The following IPO11 variants were observed in gnomAD, a reference collection of about 807,000 sequenced individuals.
IPO11 encodes the protein importin-11.
Under a neutral mutation model 143.2 loss-of-function variants are expected in IPO11, and 66 were observed. The observed-to-expected ratio is 0.46, with a 90% CI of 0.38 to 0.57. IPO11 has a LOEUF of 0.57. Ranked by LOEUF, IPO11 falls within the 20% of genes least tolerant of loss-of-function variation. The pLI, the probability that IPO11 is intolerant of heterozygous loss-of-function variation, is 0.00. For missense variants in IPO11, 1,026 were observed against 1,141.0 expected (o/e 0.90, Z 1.45); for synonymous variants, 385 against 377.8 (o/e 1.02, Z -0.22).
chr5:62,516,004 C>T (rs1741999765), intron 20 of IPO11, among the ~76,000 whole-genome samples: 1 of 152,206 alleles, frequency 6.6e-6, no homozygotes, highest in Admixed American at 6.5e-5. Flanking sequence ...TAGAGCTGGA[C>T]TATAGTTCTT....
intron 3 of IPO11, 198 bp from the exon 4 acceptor site, chr5:62,449,729 G>A (rs767194657): frequency 4.9e-6 from 2 of 408,978 alleles, no homozygotes; most frequent in Non-Finnish European, 8.8e-6. Context: ...ATTAGGGACA[G>A]TTGTTTAGAA....
intron 24 of IPO11, among the ~76,000 whole-genome samples, chr5:62,546,606 A>C (rs899319003): frequency 6.6e-6 from 1 of 151,778 alleles, no homozygotes; most frequent in Non-Finnish European, 1.5e-5. Context: ...TAAAAAAAAA[A>C]CCACACACAC....
chr5:62,603,835 A>G (rs1445000464), intron 29 of IPO11, among the ~76,000 whole-genome samples: 4 of 152,254 alleles, frequency 2.6e-5, no homozygotes, highest in South Asian at 2.1e-4. Flanking sequence ...CTGCTCAGCA[A>G]CACAACATTT....
At chr5:62,515,914 G>A (rs2112286566) in intron 20 of IPO11, among the ~76,000 whole-genome samples, 1 of 152,304 alleles carries the variant, frequency 6.6e-6, no homozygotes, top group South Asian at 2.1e-4. Flanking sequence ...CTTTTGAGGG[G>A]AGACAAGTGA....
intron 27 of IPO11, among the ~76,000 whole-genome samples, chr5:62,586,211 AGTT>A (rs1044466980): frequency 6.6e-6 from 1 of 152,198 alleles, no homozygotes; most frequent in Non-Finnish European, 1.5e-5. Flanking sequence ...GTTTATATGA[AGTT>A]GTTAGTTTAA....
At chr5:62,575,597 A>G (rs1744288370) in intron 27 of IPO11, among the ~76,000 whole-genome samples, 1 of 151,922 alleles carries the variant, frequency 6.6e-6, no homozygotes. Context: ...AGCAGAATAG[A>G]GTGTTCCTCA....
At chr5:62,560,968 A>G (rs531056894) in intron 26 of IPO11, 168 bp from the exon 27 acceptor site, 33 of 486,532 alleles carry the variant, frequency 6.8e-5, no homozygotes, top group Middle Eastern at 4.7e-4. Context: ...TTTTGCTCAA[A>G]TTATCCATTT....
At chr5:62,607,636 T>C (rs890742985) in intron 29 of IPO11, among the ~76,000 whole-genome samples, 1 of 152,194 alleles carries the variant, frequency 6.6e-6, no homozygotes, top group Non-Finnish European at 1.5e-5. Flanking sequence ...TTGAGAATCC[T>C]TACCTTATAG....
At chr5:62,578,791 T>TAAA in intron 27 of IPO11, 1 of 386,222 alleles carries the variant, frequency 2.6e-6, no homozygotes, top group Non-Finnish European at 5.1e-6. Context: ...AAACGGTGAC[T>TAAA]TAAAAAAAAA....
chr5:62,435,108 A>ATGTATATATATGTATATATGTATATATG (rs1561308788), intron 1 of IPO11, among the ~76,000 whole-genome samples: 3 of 55,508 alleles, frequency 5.4e-5, no homozygotes, highest in African/African-American at 1.9e-4. Context: ...ATGTATATAT[A>ATGTATATATATGTATATATGTATATATG]TGTATATATG....
intron 29 of IPO11, among the ~76,000 whole-genome samples, chr5:62,610,469 T>C (rs891498590): frequency 3.3e-5 from 5 of 152,178 alleles, no homozygotes; most frequent in African/African-American, 1.2e-4. Flanking sequence ...GTCTTTTGGT[T>C]GTCACTGGTT....
intron 27 of IPO11, among the ~76,000 whole-genome samples, chr5:62,591,073 T>C (rs183723738): frequency 1.8e-4 from 28 of 152,328 alleles, no homozygotes; most frequent in African/African-American, 6.0e-4. Flanking sequence ...GCTAGGACTA[T>C]AGGCTTGCAC....
rs559223163 is a variant in IPO11, at chr5:62,514,934, G to T, written c.1783-454G>T. Among the ~76,000 whole-genome samples the T allele has an allele frequency of 5.9e-5, 9 of 152,166 alleles. No homozygotes were observed. In the South Asian group the frequency reaches 1.9e-3, roughly 32 times the overall value. ...TTGCACTTCCCCTTTTTCATTGTAAGGGTTTGTCTGGCTGTCTGTGTATCC... is the reference window on the plus strand; with the variant it reads ...TTGCACTTCCCCTTTTTCATTGTAATGGTTTGTCTGGCTGTCTGTGTATCC... On this transcript the variant is annotated intron_variant, in intron 19 of 29. Coordinates refer to ENST00000325324, the MANE Select transcript of IPO11 (RefSeq NM_016338.5).
intron 27 of IPO11, chr5:62,579,650 ATATATCT>A (rs1744464084): frequency 1.3e-6 from 2 of 1,546,264 alleles, no homozygotes; most frequent in Non-Finnish European, 1.7e-6. Flanking sequence ...ACTGGGAATA[ATATATCT>A]TATATAAATG....
At position 62,490,179 on chromosome 5, in the gene IPO11, TA is replaced by T; in HGVS notation, c.1427del (p.Asn476ThrfsTer21). 2 of 1,605,734 alleles carry T rather than the reference TA, an allele frequency of 1.2e-6. No individual in the cohort carries two copies. Among genetic ancestry groups the T allele is most frequent in the Non-Finnish European group, 1.7e-6 (2 of 1,175,854 alleles). On this transcript the variant is annotated frameshift_variant, in exon 15 of 30. Coordinates refer to ENST00000325324, the MANE Select transcript of IPO11 (RefSeq NM_016338.5). LOFTEE classifies it high-confidence loss of function. ...ACAGTGTTGATTTTGATCAGTGGTT[TA>T]AAAACCAGCTTCTTCCAGAATTACA... is the stretch of plus-strand genomic sequence containing the variant. The part of the protein sequence containing the change: ...FDSVDFDQWF[K>X]NQLLPELQVI...
intron 16 of IPO11, among the ~76,000 whole-genome samples, chr5:62,500,698 A>T (rs188878908): frequency 7.2e-5 from 11 of 152,178 alleles, no homozygotes; most frequent in African/African-American, 2.6e-4. Context: ...GGATCTCTCT[A>T]TGTTGCCCAG....
At chr5:62,470,187 C>T (rs963796256) in intron 6 of IPO11, 63 bp from the exon 7 acceptor site, 1 of 1,482,492 alleles carries the variant, frequency 6.7e-7, no homozygotes, top group African/African-American at 1.4e-5. Flanking sequence ...CTGAATCTTT[C>T]TTGTGATTGT....
intron 27 of IPO11, chr5:62,579,616 G>A: frequency 6.4e-7 from 1 of 1,550,892 alleles, no homozygotes; most frequent in Non-Finnish European, 8.7e-7. Context: ...GAATTTTCCT[G>A]AAAGTACAGT....
At position 62,561,175 on chromosome 5, in the gene IPO11, G is replaced by A. The variant is rs1052155566; in HGVS notation, c.2500G>A (p.Asp834Asn). ...LLGNMIEMWV[D>N]RMDNITQPER... Reference sequence around the variant, plus strand: ...GGGAAATATGATTGAAATGTGGGTTGATCGAATGGACAACATTACCCAGCC... The same window carrying A: ...GGGAAATATGATTGAAATGTGGGTTAATCGAATGGACAACATTACCCAGCC... Residue 834 changes from aspartate (D) to asparagine (N), a missense_variant, in exon 27 of 30, where the codon GAT becomes AAT. Coordinates refer to ENST00000325324, the MANE Select transcript of IPO11 (RefSeq NM_016338.5). The A allele has an allele frequency of 1.9e-6, 3 of 1,610,254 alleles. No homozygotes were observed. Among genetic ancestry groups the A allele is most frequent in the East Asian group, 4.5e-5 (2 of 44,604 alleles).
Sources: gnomAD v4.1 joint callset for allele counts (sites outside exome capture counted in the v4.1 genomes callset) on GRCh38, gnomAD v4.1.1 for gene constraint, MANE v1.5 for transcripts, NCBI Gene and HGNC (gene_info 2026-07-23, HGNC 2026-07-21) for gene names.